Variants in DOCK10 observed in about 807,000 individuals in gnomAD.
The protein encoded by DOCK10 is dedicator of cytokinesis protein 10.
Under a neutral mutation model 280.1 loss-of-function variants are expected in DOCK10, and 145 were observed. The ratio of observed to expected loss-of-function variants is 0.52; its 90% CI spans 0.45 to 0.59. DOCK10 has a LOEUF of 0.59. Ranked by LOEUF, DOCK10 falls within the 20% of genes least tolerant of loss-of-function variation. The pLI, the probability that DOCK10 is intolerant of heterozygous loss-of-function variation, is 0.00. For missense variants in DOCK10, 2,368 were observed against 2,651.7 expected, an observed-to-expected ratio of 0.89 and a Z score of 2.35; for synonymous variants, 915 against 942.2, an observed-to-expected ratio of 0.97 and a Z score of 0.53.
At position 224,786,291 on chromosome 2, in the gene DOCK10, TA is replaced by T. The variant is rs1053989544; in HGVS notation, c.5655+730del. Among the ~76,000 whole-genome samples, 7 of 152,308 alleles carry T rather than the reference TA, an allele frequency of 4.6e-5. No homozygotes were observed. Among genetic ancestry groups the T allele is most frequent in the African/African-American group, 1.4e-4 (6 of 41,578 alleles). On this transcript the variant is annotated intron_variant, in intron 50 of 55. Transcript: ENST00000258390. The surrounding 1 kb of genome is among the most constrained non-coding windows in gnomAD (Gnocchi z 4.7). ...ATGTCTATCCACACAAGCAACAGTC[TA>T]AAATACGTCTGCTGAAATATAATAG...
intron 1 of DOCK10, among the ~76,000 whole-genome samples, chr2:225,035,322 G>A (rs1445262945): frequency 4.6e-5 from 7 of 151,816 alleles, no homozygotes; most frequent in African/African-American, 1.7e-4. Flanking sequence ...ATATGGGGAA[G>A]TCAAGATCTT....
intron 2 of DOCK10, among the ~76,000 whole-genome samples, chr2:224,922,337 C>T (rs79011748): frequency 6.6e-6 from 1 of 152,100 alleles, no homozygotes; most frequent in African/African-American, 2.4e-5. Flanking sequence ...TGCTTTCAGA[C>T]CACTACAAAT....
chr2:224,797,248 T>A, intron 42 of DOCK10, 102 bp from the exon 43 acceptor site: 1 of 895,746 alleles, frequency 1.1e-6, no homozygotes, highest in Non-Finnish European at 1.6e-6. Context: ...CTCTCCTTTT[T>A]TTTTTTAACT....
intron 55 of DOCK10, among the ~76,000 whole-genome samples, chr2:224,766,859 T>C (rs138799172): frequency 0.011 from 1,746 of 152,340 alleles, 20 homozygotes; most frequent in African/African-American, 0.039. Flanking sequence ...AAGCAATTAT[T>C]GCCTGCTGGT....
intron 13 of DOCK10, among the ~76,000 whole-genome samples, chr2:224,864,100 A>C (rs1697707525): frequency 6.6e-6 from 1 of 152,268 alleles, no homozygotes; most frequent in African/African-American, 2.4e-5. Context: ...AAAGTAAAGC[A>C]AAAAGATAAG....
chr2:224,947,078 T>C, intron 1 of DOCK10: 1 of 1,374,288 alleles, frequency 7.3e-7, no homozygotes, highest in Non-Finnish European at 9.4e-7. Context: ...TCATGCTACA[T>C]GAATGTAACT....
intron 50 of DOCK10, among the ~76,000 whole-genome samples, chr2:224,779,277 G>A (rs1227608547): frequency 6.6e-6 from 1 of 150,618 alleles, no homozygotes; most frequent in Non-Finnish European, 1.5e-5. Flanking sequence ...GTGCAGAGGT[G>A]TGACCTTGGC....
rs139785371 is a variant in DOCK10 at position 224,927,278 on chromosome 2, G to A, written c.243+4271C>T. Among the ~76,000 whole-genome samples, 5 of 152,306 alleles carry A rather than the reference G, an allele frequency of 3.3e-5. 1 individual carries two copies. The East Asian group carries it at 9.6e-4, about 29-fold the overall frequency. ...TAGATGAGAGCTCAGAGAACATGGG[G>A]AACCAGATGACAGGGGTTATGGGAG... is the stretch of plus-strand genomic sequence containing the variant. On this transcript the variant is annotated intron_variant, in intron 2 of 55. Transcript: ENST00000258390.
chr2:224,778,446 T>C (rs1691033744), intron 50 of DOCK10, 162 bp from the exon 51 acceptor site: 1 of 715,672 alleles, frequency 1.4e-6, no homozygotes, highest in African/African-American at 1.7e-5. Flanking sequence ...GAAAACACAG[T>C]GAGAAAATAA....
chr2:224,878,624 A>G (rs1698782768), intron 7 of DOCK10, among the ~76,000 whole-genome samples: 1 of 152,230 alleles, frequency 6.6e-6, no homozygotes, highest in African/African-American at 2.4e-5. Context: ...CATAGTCTTG[A>G]GAAAAAGTAA....
chr2:224,876,506 C>G (rs1475085909), intron 7 of DOCK10, among the ~76,000 whole-genome samples: 2 of 152,172 alleles, frequency 1.3e-5, no homozygotes, highest in African/African-American at 2.4e-5. Context: ...ATATTCTTAA[C>G]TCCTTGTAAG....
intron 39 of DOCK10, among the ~76,000 whole-genome samples, chr2:224,802,671 C>T (rs1316256173): frequency 1.3e-5 from 2 of 152,190 alleles, no homozygotes; most frequent in East Asian, 1.9e-4. Context: ...AAAAATGAGC[C>T]AGTGTTACTG....
At chr2:224,870,453 C>T (rs550071039) in intron 11 of DOCK10, among the ~76,000 whole-genome samples, 191 of 152,282 alleles carry the variant, frequency 1.3e-3, no homozygotes, top group Non-Finnish European at 2.2e-3. Flanking sequence ...TCAGATTACT[C>T]CTAACACTTT....
At chr2:224,886,345 C>A (rs577044066) in intron 5 of DOCK10, 114 bp downstream of exon 5, 2 of 1,442,514 alleles carry the variant, frequency 1.4e-6, no homozygotes, top group South Asian at 1.2e-5. Flanking sequence ...AAAGCCCTAC[C>A]ACCAACAGCT....
chr2:224,916,534 C>T (rs1701325548), intron 3 of DOCK10, among the ~76,000 whole-genome samples, 161 bp downstream of exon 3: 1 of 117,096 alleles, frequency 8.5e-6, no homozygotes, highest in South Asian at 3.0e-4. Context: ...GAGTGACACC[C>T]TCCCTCAAAA....
chr2:224,777,205 A>T (rs1023880984), intron 51 of DOCK10, among the ~76,000 whole-genome samples: 6 of 152,112 alleles, frequency 3.9e-5, no homozygotes, highest in Non-Finnish European at 8.8e-5. Context: ...TTCAAAGGTT[A>T]ATGTAATGTA....
rs796745143 is a variant in DOCK10, at chr2:224,961,396, TTTTC to T, written c.124-29732_124-29729del. 9.7e-5 allele frequency among the ~76,000 whole-genome samples: 11 copies of T among 113,114 alleles called. No individual in the cohort carries two copies. In the South Asian group the frequency reaches 1.1e-3, roughly 11 times the overall value. 74.2% of individuals were successfully genotyped at this position (113,114 alleles called of 152,430 possible). On this transcript the variant is annotated intron_variant, in intron 1 of 55. Transcript: ENST00000258390. ...CCATGCTTATTTTTGCATAGCAGCA[TTTTC>T]TTTCTTTCTTTCTCTTTCTTTCTTT...
At chr2:224,831,474 G>T (rs1044695439) in intron 26 of DOCK10, among the ~76,000 whole-genome samples, 4 of 152,132 alleles carry the variant, frequency 2.6e-5, no homozygotes, top group Non-Finnish European at 4.4e-5. Flanking sequence ...TTTTCTTCTC[G>T]CCCAAGGCTC....
chr2:224,925,182 G>GA (rs200954031), intron 2 of DOCK10, among the ~76,000 whole-genome samples: 37,897 of 146,434 alleles, frequency 0.26, 4,913 homozygotes, highest in Admixed American at 0.3. Context: ...CTTTGTCTCA[G>GA]AAAAAAAAAA....
Sources: allele counts gnomAD v4.1 joint callset (sites outside exome capture counted in the v4.1 genomes callset), GRCh38; gene constraint gnomAD v4.1.1; non-coding constraint Gnocchi (gnomAD v3.1); transcripts MANE v1.5; gene names NCBI Gene and HGNC (gene_info 2026-07-23, HGNC 2026-07-21).